The following CCDC150 variants were observed in gnomAD, a reference collection of about 807,000 sequenced individuals.
CCDC150 encodes coiled-coil domain-containing protein 150.
In CCDC150, 151 loss-of-function variants were observed where a neutral mutation model predicts 156.5. That is an observed-to-expected ratio of 0.97 (90% CI 0.85 to 1.10). The LOEUF is 1.10. Among genes scored for constraint, CCDC150 ranks in the 50% least tolerant of loss-of-function variants. The pLI, the probability that CCDC150 is intolerant of heterozygous loss-of-function variation, is 0.00. For missense variants in CCDC150, 1,312 were observed against 1,268.1 expected (o/e 1.03, Z -0.53); for synonymous variants, 452 against 429.4 (o/e 1.05, Z -0.65).
chr2:196,721,819 C>A, intron 21 of CCDC150, 128 bp downstream of exon 21: 1 of 721,346 alleles, frequency 1.4e-6, no homozygotes, highest in Non-Finnish European at 2.2e-6. Context: ...GTACTTCCAG[C>A]AGAGCCATGT....
rs1575964481 is a variant in CCDC150 at position 196,721,749 on chromosome 2, A to G, written c.2429+58A>G. 10 of 1,332,390 alleles carry G rather than the reference A, an allele frequency of 7.5e-6. No homozygotes were observed. In the East Asian group the frequency reaches 2.0e-4, roughly 27 times the overall value. The allele number at this position is 1,332,390 out of a possible 1,614,324, so 82.5% of individuals were successfully genotyped here. On this transcript the variant is annotated intron_variant, in intron 21 of 27. Coordinates refer to ENST00000389175, the MANE Select transcript of CCDC150 (RefSeq NM_001080539.2). ...AAGCACCTCTGGAGGAGTAAGTCAC[A>G]TTCCCATAAATGGCTCATTCGCATA...
At chr2:196,688,699 G>A (rs370510131) in intron 13 of CCDC150, among the ~76,000 whole-genome samples, 1 of 151,998 alleles carries the variant, frequency 6.6e-6, no homozygotes, top group Non-Finnish European at 1.5e-5. Flanking sequence ...TAGGTTGCCT[G>A]TTCACTCTGA....
At chr2:196,712,772 T>C (rs1490451239) in intron 17 of CCDC150, 33 bp downstream of exon 17, 2 of 1,515,140 alleles carry the variant, frequency 1.3e-6, no homozygotes, top group South Asian at 2.3e-5. Flanking sequence ...CTTGTCAGCA[T>C]GGTGGCTCTT....
intron 2 of CCDC150, among the ~76,000 whole-genome samples, chr2:196,649,929 T>A (rs2125573783): frequency 6.6e-6 from 1 of 152,366 alleles, no homozygotes; most frequent in Non-Finnish European, 1.5e-5. Flanking sequence ...TGAGATTTTG[T>A]ATGTCTTCAA....
At chr2:196,675,632 C>A (rs1694450797) in intron 10 of CCDC150, among the ~76,000 whole-genome samples, 1 of 151,800 alleles carries the variant, frequency 6.6e-6, no homozygotes, top group South Asian at 2.1e-4. Context: ...AGTGCTTCTG[C>A]TGTAACATTA....
chr2:196,684,090 AAT>A (rs1694994190), intron 13 of CCDC150, among the ~76,000 whole-genome samples: 2 of 152,138 alleles, frequency 1.3e-5, no homozygotes, highest in East Asian at 3.9e-4. Context: ...TTGATTGAGA[AAT>A]ATTTCATTTT....
At chr2:196,698,356 A>G (rs139572776) in intron 14 of CCDC150, among the ~76,000 whole-genome samples, 8 of 152,324 alleles carry the variant, frequency 5.3e-5, no homozygotes, top group African/African-American at 1.7e-4. Context: ...TAGTGGCAAA[A>G]TAGGAAAATT....
chr2:196,732,119 G>C lies in CCDC150; in HGVS notation c.3156G>C (p.Gln1052His). Reference sequence around the variant, plus strand: ...TTGAGCTGACAAAAAACCGGTTGCAGAGGCCTTCTGGGGAAGACAGGTGGC... The same window carrying C: ...TTGAGCTGACAAAAAACCGGTTGCACAGGCCTTCTGGGGAAGACAGGTGGC... ...LQLELTKNRL[Q>H]RPSGEDRWQE... Residue 1052 changes from glutamine (Q) to histidine (H), a missense_variant, in exon 27 of 28, where the codon CAG becomes CAC. By Grantham distance (24) the Gln-to-His change is conservative. Transcript: ENST00000389175. 1 of 1,613,896 alleles carries C rather than the reference G, an allele frequency of 6.2e-7. No homozygotes were observed. Among genetic ancestry groups the C allele is most frequent in the Non-Finnish European group, 8.5e-7 (1 of 1,179,836 alleles).
intron 8 of CCDC150, among the ~76,000 whole-genome samples, chr2:196,671,245 A>G (rs1236672761): frequency 6.6e-6 from 1 of 151,902 alleles, no homozygotes; most frequent in Non-Finnish European, 1.5e-5. Flanking sequence ...TCCCCTTCTA[A>G]TCCCTGGCAA....
At chr2:196,658,752 A>T (rs773514728) in intron 4 of CCDC150, 40 bp from the exon 5 acceptor site, 11 of 1,466,320 alleles carry the variant, frequency 7.5e-6, no homozygotes, top group Non-Finnish European at 9.4e-6. Context: ...TCTTCCTGTC[A>T]TTTCAGATTA....
chr2:196,724,213 C>A (rs1172904209), intron 21 of CCDC150, among the ~76,000 whole-genome samples: 1 of 152,026 alleles, frequency 6.6e-6, no homozygotes, highest in East Asian at 1.9e-4. Flanking sequence ...CTATAATGAA[C>A]AACAGTATAT....
Position 196,677,321 on chromosome 2 carries a change from A to G in CCDC150, c.1469A>G (p.Gln490Arg). 6.4e-7 allele frequency: 1 copy of G among 1,570,598 alleles called. No individual in the cohort carries two copies. Among genetic ancestry groups the G allele is most frequent in the Non-Finnish European group, 8.6e-7 (1 of 1,156,494 alleles). Reference sequence around the variant, plus strand: ...AATAAAACAGAAAAAGAAATAGTGCAAGAAAGATGCAATTTGGAAAAGGAA... The same window carrying G: ...AATAAAACAGAAAAAGAAATAGTGCGAGAAAGATGCAATTTGGAAAAGGAA... ...EVNKTEKEIV[Q>R]ERCNLEKELA... The change falls in exon 13 of 28, where the codon CAA becomes CGA. Residue 490 changes from glutamine (Q) to arginine (R), a missense_variant. Physicochemically the swap from Gln to Arg is conservative, Grantham distance 43. Transcript: ENST00000389175.
intron 17 of CCDC150, among the ~76,000 whole-genome samples, chr2:196,714,245 C>T (rs79083667): frequency 0.011 from 1,668 of 152,266 alleles, 7 homozygotes; most frequent in Middle Eastern, 0.024. Flanking sequence ...TTTATTAAAA[C>T]GATGAAAGAA....
chr2:196,655,231 T>A (rs1490666770), intron 2 of CCDC150, among the ~76,000 whole-genome samples: 1 of 152,224 alleles, frequency 6.6e-6, no homozygotes, highest in Non-Finnish European at 1.5e-5. Flanking sequence ...GACTACATCC[T>A]CTGAGGGTAT....
intron 25 of CCDC150, 58 bp downstream of exon 25, chr2:196,730,176 C>G: frequency 6.8e-7 from 1 of 1,472,722 alleles, no homozygotes; most frequent in Non-Finnish European, 9.1e-7. Flanking sequence ...TGTGCCAAAG[C>G]CCAGTAGTTT....
intron 15 of CCDC150, among the ~76,000 whole-genome samples, chr2:196,703,886 G>C (rs1696410376): frequency 2.0e-5 from 3 of 152,158 alleles, no homozygotes; most frequent in Non-Finnish European, 4.4e-5. Flanking sequence ...CCTATAATAA[G>C]AGTTTAAGAT....
intron 14 of CCDC150, among the ~76,000 whole-genome samples, chr2:196,696,190 A>G (rs1255677522): frequency 1.3e-5 from 2 of 152,212 alleles, no homozygotes; most frequent in Non-Finnish European, 2.9e-5. Context: ...TGAGGATAAT[A>G]ATGCTATAAC....
intron 17 of CCDC150, among the ~76,000 whole-genome samples, chr2:196,714,054 T>C (rs1379410944): frequency 6.6e-6 from 1 of 152,144 alleles, no homozygotes; most frequent in Non-Finnish European, 1.5e-5. Context: ...TTGAGAAAAC[T>C]TATTAGAGCA....
intron 13 of CCDC150, among the ~76,000 whole-genome samples, chr2:196,684,639 A>G (rs1159660699): frequency 1.3e-5 from 2 of 152,100 alleles, no homozygotes; most frequent in African/African-American, 4.8e-5. Flanking sequence ...ATTAATGAAA[A>G]TGGGGTATTG....
Sources: allele counts gnomAD v4.1 joint callset (sites outside exome capture counted in the v4.1 genomes callset), GRCh38; gene constraint gnomAD v4.1.1; transcripts MANE v1.5; gene names NCBI Gene and HGNC (gene_info 2026-07-23, HGNC 2026-07-21).